NANOGP8: variants seen among roughly 807,000 people sequenced by gnomAD.
NANOGP8 encodes homeobox protein NANOGP8.
For synonymous variants in NANOGP8, 84 were observed against 125.9 expected, an observed-to-expected ratio of 0.67 and a Z score of 2.23; for missense variants, 220 against 353.4, an observed-to-expected ratio of 0.62 and a Z score of 3.03.
Position 35,084,112 on chromosome 15 carries a change from C to T in NANOGP8, c.*81G>A. ...ACGTGGTTTCCAAACAAGAAAAATC[C>T]TATGAAGGATGGGAGGAGGGGAGAG... is the stretch of plus-strand genomic sequence containing the variant. On this transcript the variant is annotated 3_prime_UTR_variant, in exon 1 of 1. Coordinates refer to ENST00000528386, the MANE Select transcript of NANOGP8 (RefSeq NM_001355281.2). 1 of 295,508 alleles carries T rather than the reference C, an allele frequency of 3.4e-6. No individual in the cohort carries two copies. 18.3% of individuals were successfully genotyped at this position (295,508 alleles called of 1,614,324 possible). A position where few individuals can be genotyped will look rare whatever the true frequency, so the allele number is the denominator to read the frequency against.
In NANOGP8 at chr15:35,084,990, A is replaced by C; in HGVS notation, c.121T>G (p.Ser41Ala). The C allele has an allele frequency of 3.1e-6, 5 of 1,609,838 alleles. No homozygotes were observed. Among genetic ancestry groups the C allele is most frequent in the Non-Finnish European group, 4.2e-6 (5 of 1,177,778 alleles). The change falls in exon 1 of 1, where the codon TCT (serine) becomes GCT (alanine). Residue 41 changes from serine to alanine, a missense_variant. Physicochemically the swap from Ser to Ala is moderately conservative, Grantham distance 99. Coordinates refer to ENST00000528386, the MANE Select transcript of NANOGP8 (RefSeq NM_001355281.2). ...PEENYPSLQM[S>A]SAEMPHTETV... ...TCTGTGTGAGGCATCTCAGCAGAAGACATTTGCAAGGATGGATAGTTTTCT... is the reference window on the plus strand; with the variant it reads ...TCTGTGTGAGGCATCTCAGCAGAAGCCATTTGCAAGGATGGATAGTTTTCT...
At position 35,083,722 on chromosome 15, in the gene NANOGP8, G is replaced by A. The variant is rs1163948300; in HGVS notation, c.*471C>T. On this transcript the variant is annotated 3_prime_UTR_variant, in exon 1 of 1. Coordinates refer to ENST00000528386, the MANE Select transcript of NANOGP8 (RefSeq NM_001355281.2). Reference sequence around the variant, plus strand: ...AGCTGTTAGGGAGGCCGAGGCGGGCGGATCACAAGGTCAGGAGATCGAGAC... The same window carrying A: ...AGCTGTTAGGGAGGCCGAGGCGGGCAGATCACAAGGTCAGGAGATCGAGAC... Among the ~76,000 whole-genome samples the A allele has an allele frequency of 3.3e-5, 5 of 152,074 alleles. No individual in the cohort carries two copies. Among genetic ancestry groups the A allele is most frequent in the Non-Finnish European group, 7.3e-5 (5 of 68,028 alleles).
chr15:35,085,111 G>A lies in NANOGP8; in HGVS notation c.-1C>T. On this transcript the variant is annotated 5_prime_UTR_variant, in exon 1 of 1. Coordinates refer to ENST00000528386, the MANE Select transcript of NANOGP8 (RefSeq NM_001355281.2). ...GGGGACAAGCTGGATCCACACTCAT[G>A]TTAGTATAGAGGAAGAGGAGGAAAA... The A allele has an allele frequency of 6.5e-7, 1 of 1,532,302 alleles. No individual in the cohort carries two copies. The highest frequency in any genetic ancestry group is 9.0e-7 in the Non-Finnish European group (1 of 1,108,514). The allele number at this position is 1,532,302 out of a possible 1,614,324, so 94.9% of individuals were successfully genotyped here. A position where few individuals can be genotyped will look rare whatever the true frequency, so the allele number is the denominator to read the frequency against.
At position 35,083,818 on chromosome 15, in the gene NANOGP8, C is replaced by T. The variant is rs1411215308; in HGVS notation, c.*375G>A. ...AATATTAGCCGGGCGAGGTGGCGGG[C>T]GCCTGTAGTCCCAGCTGCTCGGGAG... On this transcript the variant is annotated 3_prime_UTR_variant, in exon 1 of 1. Coordinates refer to ENST00000528386, the MANE Select transcript of NANOGP8 (RefSeq NM_001355281.2). Among the ~76,000 whole-genome samples the T allele has an allele frequency of 5.4e-5, 7 of 129,312 alleles. No individual in the cohort carries two copies. Among genetic ancestry groups the T allele is most frequent in the Non-Finnish European group, 9.6e-5 (6 of 62,528 alleles). The allele number at this position is 129,312 out of a possible 152,430, so 84.8% of individuals were successfully genotyped here. A position where few individuals can be genotyped will look rare whatever the true frequency, so the allele number is the denominator to read the frequency against.
rs2050899741 is a variant in NANOGP8, at chr15:35,083,643, GT to G, written c.*549del. Among the ~76,000 whole-genome samples the G allele has an allele frequency of 6.6e-6, 1 of 151,840 alleles. No individual in the cohort carries two copies. Among genetic ancestry groups the G allele is most frequent in the African/African-American group, 2.4e-5 (1 of 41,306 alleles). ...TCTATAGCCAGAGACGGCAGCCAAG[GT>G]TATTAAAATGTCTTTTCTAGGCAGG... is the stretch of plus-strand genomic sequence containing the variant. On this transcript the variant is annotated 3_prime_UTR_variant, in exon 1 of 1. Coordinates refer to ENST00000528386, the MANE Select transcript of NANOGP8 (RefSeq NM_001355281.2).
At position 35,085,189 on chromosome 15, in the gene NANOGP8, G is replaced by C. The variant is rs1595400848; in HGVS notation, c.-79C>G. ...TTAAGGCAGCTTTAAGACTTTTCTG[G>C]AAGATGTTAGAGAAATAGGACCTCC... On this transcript the variant is annotated 5_prime_UTR_variant, in exon 1 of 1. Transcript: ENST00000528386. The C allele has an allele frequency of 3.9e-6, 3 of 768,560 alleles. No homozygotes were observed. The East Asian group carries it at 7.9e-5, about 20-fold the overall frequency. The allele number at this position is 768,560 out of a possible 1,614,324, so 47.6% of individuals were successfully genotyped here. A position where few individuals can be genotyped will look rare whatever the true frequency, so the allele number is the denominator to read the frequency against.
In NANOGP8 at chr15:35,083,945, C is replaced by CA. The variant is rs71123114; in HGVS notation, c.*247dup. 1.0e-4 allele frequency among the ~76,000 whole-genome samples: 3 copies of CA among 29,568 alleles called. No individual in the cohort carries two copies. Among genetic ancestry groups the CA allele is most frequent in the Non-Finnish European group, 1.6e-4 (3 of 18,394 alleles). 19.4% of individuals were successfully genotyped at this position (29,568 alleles called of 152,430 possible). ...TGGGCGACAGAGCAAGACTCCGTCTCAAAAAAAAAAAAAAAAAAAAGTATT... is the reference window on the plus strand; with the variant it reads ...TGGGCGACAGAGCAAGACTCCGTCTCAAAAAAAAAAAAAAAAAAAAAGTATT... On this transcript the variant is annotated 3_prime_UTR_variant, in exon 1 of 1. Coordinates refer to ENST00000528386, the MANE Select transcript of NANOGP8 (RefSeq NM_001355281.2).
chr15:35,085,040 GGTGAAGATTCTTTACA>G lies in NANOGP8; in HGVS notation c.55_70del (p.Cys19LeufsTer4). 1 of 1,593,076 alleles carries G rather than the reference GGTGAAGATTCTTTACA, an allele frequency of 6.3e-7. No homozygotes were observed. The highest frequency in any genetic ancestry group is 2.2e-5 in the East Asian group (1 of 44,796). The stretch of plus-strand genomic sequence containing the variant: ...TTCAGGCCCACAAATCACAGGCATA[GGTGAAGATTCTTTACA>G]GTCGGATTCTTCAAAGCAAGGCAAG... On this transcript the variant is annotated frameshift_variant, in exon 1 of 2. Transcript: ENST00000629403. LOFTEE classifies it high-confidence loss of function.
chr15:35,083,986 C>A lies in NANOGP8; in HGVS notation c.*207G>T, dbSNP rs1371976084. On this transcript the variant is annotated 3_prime_UTR_variant, in exon 1 of 1. Transcript: ENST00000528386. ...AAAAAGTATTTTCTCCAGGAAGATC[C>A]AATAGGAAAAAAAAAAAAAAAAAGA... 2.6e-5 allele frequency among the ~76,000 whole-genome samples: 3 copies of A among 114,794 alleles called. No homozygotes were observed. The highest frequency in any genetic ancestry group is 6.4e-5 in the African/African-American group (2 of 31,350). The allele number at this position is 114,794 out of a possible 152,430, so 75.3% of individuals were successfully genotyped here.
chr15:35,085,247 T>C lies in NANOGP8; in HGVS notation c.-137A>G. On this transcript the variant is annotated 5_prime_UTR_variant, in exon 1 of 1. Coordinates refer to ENST00000528386, the MANE Select transcript of NANOGP8 (RefSeq NM_001355281.2). The stretch of plus-strand genomic sequence containing the variant: ...AAAGTATCAAGAAATTGGGATAAAG[T>C]GAGTTGCCTGCATAATAACATGAGG... 1.6e-6 allele frequency: 1 copy of C among 621,172 alleles called. No homozygotes were observed. Among genetic ancestry groups the C allele is most frequent in the Non-Finnish European group, 2.8e-6 (1 of 353,514 alleles). The allele number at this position is 621,172 out of a possible 1,614,324, so 38.5% of individuals were successfully genotyped here. A position where few individuals can be genotyped will look rare whatever the true frequency, so the allele number is the denominator to read the frequency against.
At position 35,084,699 on chromosome 15, in the gene NANOGP8, G is replaced by C; in HGVS notation, c.412C>G (p.Gln138Glu). ...TGGTTCTGGAACCAGGTCTTCACCT[G>C]TTTGTAGCTGAGGTTCAGGATGTTG... ...LSNILNLSYK[Q>E]VKTWFQNQRM... The change falls in exon 1 of 1, where the codon CAG becomes GAG. Residue 138 changes from glutamine to glutamate, a missense_variant. By Grantham distance (29) the Gln-to-Glu change is conservative. Transcript: ENST00000528386. 6.2e-7 allele frequency: 1 copy of C among 1,614,150 alleles called. No individual in the cohort carries two copies. Among genetic ancestry groups the C allele is most frequent in the South Asian group, 1.1e-5 (1 of 91,074 alleles).
In NANOGP8 at chr15:35,085,257, G is replaced by A; in HGVS notation, c.-147C>T. 1 of 619,604 alleles carries A rather than the reference G, an allele frequency of 1.6e-6. No homozygotes were observed. The highest frequency in any genetic ancestry group is 2.9e-5 in the Admixed American group (1 of 34,648). 38.4% of individuals were successfully genotyped at this position (619,604 alleles called of 1,614,324 possible). A position where few individuals can be genotyped will look rare whatever the true frequency, so the allele number is the denominator to read the frequency against. On this transcript the variant is annotated 5_prime_UTR_variant, in exon 1 of 1. The change creates a premature stop within an existing upstream ORF in the 5' untranslated region. Transcript: ENST00000528386. Reference sequence around the variant, plus strand: ...GAAATTGGGATAAAGTGAGTTGCCTGCATAATAACATGAGGCAACCAGCTC... The same window carrying A: ...GAAATTGGGATAAAGTGAGTTGCCTACATAATAACATGAGGCAACCAGCTC...
At position 35,083,989 on chromosome 15, in the gene NANOGP8, T is replaced by A. The variant is rs1224183839; in HGVS notation, c.*204A>T. ...AAGTATTTTCTCCAGGAAGATCCAA[T>A]AGGAAAAAAAAAAAAAAAAAGAAAC... On this transcript the variant is annotated 3_prime_UTR_variant, in exon 1 of 1. Transcript: ENST00000528386. Among the ~76,000 whole-genome samples, 486 of 64,374 alleles carry A rather than the reference T, an allele frequency of 7.5e-3. No individual in the cohort carries two copies. The highest frequency in any genetic ancestry group is 9.9e-3 in the Non-Finnish European group (310 of 31,222). 42.2% of individuals were successfully genotyped at this position (64,374 alleles called of 152,430 possible).
Position 35,084,253 on chromosome 15 carries a change from A to C in NANOGP8, c.858T>G (p.Thr286=), listed in dbSNP as rs537865369. The stretch of plus-strand genomic sequence containing the variant: ...TTAGGAATAAATCCATGGTTTGTGG[A>C]GTACTAAAATACCTAGTGGTCTGCT... The part of the protein sequence containing the change: ...VIQQTTRYFS[T]PQTMDLFLNY... The change falls in exon 1 of 1, where the codon ACT becomes ACG. Residue 286 remains threonine (T), a synonymous_variant. Transcript: ENST00000528386. The C allele has an allele frequency of 8.1e-7, 1 of 1,234,848 alleles. No individual in the cohort carries two copies. The highest frequency in any genetic ancestry group is 1.5e-5 in the African/African-American group (1 of 65,442). 76.5% of individuals were successfully genotyped at this position (1,234,848 alleles called of 1,614,324 possible).
rs1246164713 is a variant in NANOGP8, at chr15:35,083,712, C to T, written c.*481G>A. On this transcript the variant is annotated 3_prime_UTR_variant, in exon 1 of 1. Transcript: ENST00000528386. ...TGTAAATCCCAGCTGTTAGGGAGGC[C>T]GAGGCGGGCGGATCACAAGGTCAGG... is the stretch of plus-strand genomic sequence containing the variant. 8.6e-5 allele frequency among the ~76,000 whole-genome samples: 13 copies of T among 151,884 alleles called. No homozygotes were observed. Among genetic ancestry groups the T allele is most frequent in the Admixed American group, 2.6e-4 (4 of 15,236 alleles).
At position 35,083,704 on chromosome 15, in the gene NANOGP8, A is replaced by T. The variant is rs1219498081; in HGVS notation, c.*489T>A. 2.6e-5 allele frequency among the ~76,000 whole-genome samples: 4 copies of T among 152,028 alleles called. No homozygotes were observed. The highest frequency in any genetic ancestry group is 1.9e-4 in the East Asian group (1 of 5,146). On this transcript the variant is annotated 3_prime_UTR_variant, in exon 1 of 1. Coordinates refer to ENST00000528386, the MANE Select transcript of NANOGP8 (RefSeq NM_001355281.2). The stretch of plus-strand genomic sequence containing the variant: ...CTCACGCCTGTAAATCCCAGCTGTT[A>T]GGGAGGCCGAGGCGGGCGGATCACA...
Position 35,084,017 on chromosome 15 carries a change from C to T in NANOGP8, c.*176G>A, listed in dbSNP as rs1262372700. Among the ~76,000 whole-genome samples the T allele has an allele frequency of 1.7e-5, 2 of 120,376 alleles. No individual in the cohort carries two copies. The highest frequency in any genetic ancestry group is 3.4e-5 in the Non-Finnish European group (2 of 58,692). The allele number at this position is 120,376 out of a possible 152,430, so 79.0% of individuals were successfully genotyped here. On this transcript the variant is annotated 3_prime_UTR_variant, in exon 1 of 1. Coordinates refer to ENST00000528386, the MANE Select transcript of NANOGP8 (RefSeq NM_001355281.2). ...GAAAAAAAAAAAAAAAAAGAAACCT[C>T]GCTGATTAGGCTCCAACCATACTCC...
At position 35,084,481 on chromosome 15, in the gene NANOGP8, G is replaced by T; in HGVS notation, c.630C>A (p.Thr210=). 6.2e-7 allele frequency: 1 copy of T among 1,609,592 alleles called. No individual in the cohort carries two copies. The highest frequency in any genetic ancestry group is 8.5e-7 in the Non-Finnish European group (1 of 1,178,244). Residue 210 remains threonine, a synonymous_variant, in exon 1 of 1, where the codon ACC becomes ACA. Coordinates refer to ENST00000528386, the MANE Select transcript of NANOGP8 (RefSeq NM_001355281.2). ...TWNNSTWSNQ[T]QNIQSWSNHS... Reference sequence around the variant, plus strand: ...GGTTGCTCCAGGACTGGATGTTCTGGGTCTGGTTGCTCCAGGTTGAATTGT... The same window carrying T: ...GGTTGCTCCAGGACTGGATGTTCTGTGTCTGGTTGCTCCAGGTTGAATTGT...
In NANOGP8 at chr15:35,085,106, C is replaced by T. The variant is rs1387935359; in HGVS notation, c.5G>A (p.Ser2Asn). 7.1e-6 allele frequency: 11 copies of T among 1,545,006 alleles called. No individual in the cohort carries two copies. Among genetic ancestry groups the T allele is most frequent in the East Asian group, 2.2e-5 (1 of 44,604 alleles). Residue 2 changes from serine (S) to asparagine (N), a missense_variant, in exon 1 of 1, where the codon AGT (serine) becomes AAT (asparagine). Physicochemically the swap from Ser to Asn is conservative, Grantham distance 46 (BLOSUM62 1). Transcript: ENST00000528386. The stretch of plus-strand genomic sequence containing the variant: ...GCTTTGGGGACAAGCTGGATCCACA[C>T]TCATGTTAGTATAGAGGAAGAGGAG... MSVDPACPQSLP... is the reference protein window; with the variant it reads MNVDPACPQSLP...
Sources: gnomAD v4.1 joint callset for allele counts (sites outside exome capture counted in the v4.1 genomes callset) on GRCh38, gnomAD v4.1.1 for gene constraint, MANE v1.5 for transcripts, NCBI Gene and HGNC (gene_info 2026-07-23, HGNC 2026-07-21) for gene names.